IQCK: variants seen among roughly 807,000 people sequenced by gnomAD.
IQCK encodes the protein IQ motif containing K.
IQCK carries 29 observed loss-of-function variants against 28.1 expected under a neutral mutation model. The ratio of observed to expected loss-of-function variants is 1.03; its 90% confidence interval spans 0.77 to 1.41. The LOEUF (loss-of-function observed/expected upper bound fraction) is 1.41. Among genes scored for constraint, IQCK ranks in the 40% most tolerant of loss-of-function variants. The pLI is 0.00. For synonymous variants in IQCK, 113 were observed against 115.1 expected (o/e 0.98, Z 0.12); for missense variants, 359 against 314.7 (o/e 1.14, Z -1.07).
At chr16:19,746,863 G>C (rs2054919545) in intron 4 of IQCK, among the ~76,000 whole-genome samples, 1 of 152,214 alleles carries the variant, frequency 6.6e-6, no homozygotes, top group Non-Finnish European at 1.5e-5. Context: ...TAGCAGTCTT[G>C]ACTAACTGCC....
chr16:19,822,090 A>C (rs1420854345), intron 7 of IQCK, among the ~76,000 whole-genome samples: 13 of 150,368 alleles, frequency 8.6e-5, no homozygotes, highest in East Asian at 3.9e-4. Flanking sequence ...AAAACAAAAA[A>C]AAAAACAAAA....
chr16:19,809,218 C>A (rs1392455564), intron 7 of IQCK, among the ~76,000 whole-genome samples: 1 of 152,196 alleles, frequency 6.6e-6, no homozygotes, highest in African/African-American at 2.4e-5. Flanking sequence ...GGGTAAATTG[C>A]GCAGCTGCAA....
At chr16:19,782,340 C>T (rs572242088) in intron 6 of IQCK, among the ~76,000 whole-genome samples, 7 of 151,904 alleles carry the variant, frequency 4.6e-5, no homozygotes, top group East Asian at 3.9e-4. Context: ...GAGCCGAGAT[C>T]GCACCATTGC....
chr16:19,792,552 T>G (rs2055628558), intron 7 of IQCK, among the ~76,000 whole-genome samples: 1 of 114,388 alleles, frequency 8.7e-6, no homozygotes, highest in Admixed American at 7.5e-5. Flanking sequence ...GACTCTAGCC[T>G]TATGTATACT....
At chr16:19,830,004 A>G (rs1041829307), downstream of IQCK, among the ~76,000 whole-genome samples, 1 of 145,384 alleles carries the variant, frequency 6.9e-6, no homozygotes, top group African/African-American at 2.7e-5. Context: ...CCAGATAAAT[A>G]TCAGTTGAAC....
At chr16:19,786,281 G>A (rs1474123530) in intron 6 of IQCK, among the ~76,000 whole-genome samples, 6 of 152,114 alleles carry the variant, frequency 3.9e-5, no homozygotes, top group Non-Finnish European at 7.3e-5. Flanking sequence ...CGGGCGGGGC[G>A]GGTGGCTCAT....
exon 1 of IQCK, chr16:19,718,421 C>T (rs756235202): frequency 1.2e-6 from 2 of 1,606,908 alleles, no homozygotes; most frequent in Non-Finnish European, 1.7e-6. Context: ...GTCCCGCGAG[C>T]TGCCTGTCTC....
chr16:19,782,997 T>TTGTGTG (rs879459659), intron 6 of IQCK, among the ~76,000 whole-genome samples: 2 of 150,822 alleles, frequency 1.3e-5, no homozygotes, highest in Non-Finnish European at 3.0e-5. Flanking sequence ...TCTTCTTTTT[T>TTGTGTG]TGTGTGTGTG....
chr16:19,718,353 C>G (rs1200058358), exon 1 of IQCK: 4 of 1,610,378 alleles, frequency 2.5e-6, no homozygotes, highest in East Asian at 2.2e-5. Flanking sequence ...CGCCTCAAGC[C>G]CAGCTGCTCT....
intron 4 of IQCK, among the ~76,000 whole-genome samples, chr16:19,751,275 T>C (rs944712659): frequency 6.6e-6 from 1 of 151,988 alleles, no homozygotes; most frequent in Non-Finnish European, 1.5e-5. Context: ...GGTGGGTCAC[T>C]TGAGACCAGG....
rs879757935 is a variant in IQCK at position 19,825,520 on chromosome 16, C to CA, written c.691-1493dup. Among the ~76,000 whole-genome samples the CA allele has an allele frequency of 0.025, 3,354 of 136,672 alleles. 94 individuals carry two copies. The highest frequency in any genetic ancestry group is 0.076 in the African/African-American group (2,847 of 37,436). 89.7% of individuals were successfully genotyped at this position (136,672 alleles called of 152,430 possible). On this transcript the variant is annotated intron_variant, in intron 7 of 7. Transcript: ENST00000564186. This position sits in a 1 kb window ranked among gnomAD's most constrained non-coding sequence, Gnocchi z 4.2. ...GGGCAGCAAGAACGAAACTCCATCT[C>CA]AAAAAAAAAAAAATGTAAAATATTT... is the stretch of plus-strand genomic sequence containing the variant.
intron 4 of IQCK, chr16:19,761,702 G>A: frequency 3.9e-6 from 1 of 259,276 alleles, no homozygotes; most frequent in South Asian, 4.4e-5. Flanking sequence ...CCATTGGCAG[G>A]CTCAGCTTAT....
chr16:19,751,524 G>A (rs986013494), intron 4 of IQCK, among the ~76,000 whole-genome samples: 6 of 152,076 alleles, frequency 3.9e-5, no homozygotes, highest in Non-Finnish European at 7.4e-5. Context: ...TATGTTTGAA[G>A]GAGGGAGGCA....
chr16:19,802,630 G>T (rs1404069343), intron 7 of IQCK, among the ~76,000 whole-genome samples: 2 of 147,890 alleles, frequency 1.4e-5, no homozygotes, highest in Admixed American at 1.4e-4. Flanking sequence ...GCCAACTAAT[G>T]CCCTCCTTTA....
At chr16:19,767,645 C>G (rs1190214927) in intron 6 of IQCK, among the ~76,000 whole-genome samples, 2 of 152,106 alleles carry the variant, frequency 1.3e-5, no homozygotes, top group Non-Finnish European at 2.9e-5. Flanking sequence ...CCGCTAGGGT[C>G]TCGGGCTTTT....
At chr16:19,813,765 A>G (rs2055938449) in intron 7 of IQCK, among the ~76,000 whole-genome samples, 1 of 152,156 alleles carries the variant, frequency 6.6e-6, no homozygotes, top group Non-Finnish European at 1.5e-5. Flanking sequence ...GGGGAAACTA[A>G]AATACTAGAT....
At chr16:19,804,286 G>C (rs542341515) in intron 7 of IQCK, among the ~76,000 whole-genome samples, 2 of 152,116 alleles carry the variant, frequency 1.3e-5, no homozygotes, top group Admixed American at 6.5e-5. Flanking sequence ...AGAGGTTGCA[G>C]TGAGTTGAGA....
chr16:19,730,300 A>AGTTGTTTT (rs1977791446), intron 1 of IQCK, 130 bp from the exon 2 acceptor site: 1 of 606,506 alleles, frequency 1.6e-6, no homozygotes, highest in African/African-American at 1.9e-5. Context: ...TGTCATGGCC[A>AGTTGTTTT]GTTGTTTTTT....
chr16:19,744,117 A>C (rs2054873806), intron 4 of IQCK, among the ~76,000 whole-genome samples: 2 of 152,076 alleles, frequency 1.3e-5, no homozygotes. Context: ...TGTTCCCCAA[A>C]AGCTATGCAA....
Sources: allele counts gnomAD v4.1 joint callset (sites outside exome capture counted in the v4.1 genomes callset), GRCh38; gene constraint gnomAD v4.1.1; non-coding constraint Gnocchi (gnomAD v3.1); transcripts MANE v1.5; gene names NCBI Gene and HGNC (gene_info 2026-07-23, HGNC 2026-07-21).